The following ITPR2 variants were observed in gnomAD, a reference collection of about 807,000 sequenced individuals.
The protein encoded by ITPR2 is inositol 1,4,5-trisphosphate-gated calcium channel ITPR2.
ITPR2 carries 207 observed loss-of-function variants against 317.1 expected under a neutral mutation model. That is an observed-to-expected ratio of 0.65 (90% CI 0.58 to 0.73). ITPR2 has a LOEUF of 0.73. Among genes scored for constraint, ITPR2 ranks in the 30% least tolerant of loss-of-function variants. The pLI, the probability that ITPR2 is intolerant of heterozygous loss-of-function variation, is 0.00. For missense variants in ITPR2, 2,613 were observed against 3,284.0 expected (o/e 0.80, Z 4.99); for synonymous variants, 1,156 against 1,149.1 (o/e 1.01, Z -0.12).
chr12:26,619,403 C>T (rs10506007), intron 26 of ITPR2, among the ~76,000 whole-genome samples: 54,627 of 151,998 alleles, frequency 0.36, 10,958 homozygotes, highest in African/African-American at 0.55. Context: ...CTATCGTTCT[C>T]CCAGGTAATT....
intron 48 of ITPR2, among the ~76,000 whole-genome samples, 153 bp downstream of exon 48, chr12:26,436,067 AC>A (rs1241512439): frequency 6.6e-6 from 1 of 152,222 alleles, no homozygotes; most frequent in Non-Finnish European, 1.5e-5. Context: ...TGTTGACCAC[AC>A]TTTTCTGCCT....
intron 26 of ITPR2, 47 bp from the exon 27 acceptor site, chr12:26,602,753 GT>G (rs1946031083): frequency 2.1e-6 from 2 of 961,080 alleles, no homozygotes; most frequent in African/African-American, 3.3e-5. Flanking sequence ...GTAGCTTTGT[GT>G]TACATTTATT....
intron 2 of ITPR2, among the ~76,000 whole-genome samples, chr12:26,760,894 A>G (rs988522693): frequency 1.3e-5 from 2 of 152,230 alleles, no homozygotes; most frequent in African/African-American, 4.8e-5. Flanking sequence ...TTTATAATCT[A>G]CATTCATAAT....
intron 9 of ITPR2, among the ~76,000 whole-genome samples, chr12:26,703,956 A>G (rs1009043995): frequency 5.3e-5 from 8 of 152,248 alleles, no homozygotes; most frequent in Non-Finnish European, 1.2e-4. Flanking sequence ...GTGAACTGTG[A>G]TAAGCCCAAA....
At chr12:26,669,142 A>C (rs1342040989) in intron 13 of ITPR2, among the ~76,000 whole-genome samples, 5 of 151,610 alleles carry the variant, frequency 3.3e-5, no homozygotes, top group African/African-American at 1.2e-4. Flanking sequence ...TATTATTATT[A>C]TAATTATTTA....
chr12:26,698,417 G>A (rs1948388837), intron 9 of ITPR2, among the ~76,000 whole-genome samples: 1 of 152,114 alleles, frequency 6.6e-6, no homozygotes, highest in African/African-American at 2.4e-5. Context: ...CGACAACCAA[G>A]AATGAATCTC....
At chr12:26,602,142 C>T (rs1404372597) in intron 28 of ITPR2, among the ~76,000 whole-genome samples, 7 of 151,642 alleles carry the variant, frequency 4.6e-5, no homozygotes, top group Admixed American at 3.9e-4. Flanking sequence ...GACTAGGTGG[C>T]AGTAAAGTGC....
chr12:26,616,358 C>T (rs1415618982), intron 26 of ITPR2, among the ~76,000 whole-genome samples: 10 of 151,828 alleles, frequency 6.6e-5, no homozygotes, highest in African/African-American at 2.2e-4. Flanking sequence ...AGGATGGTCT[C>T]GATCTCCTGA....
At chr12:26,429,971 T>C (rs1014149322) in intron 48 of ITPR2, among the ~76,000 whole-genome samples, 2 of 152,242 alleles carry the variant, frequency 1.3e-5, no homozygotes, top group Admixed American at 1.3e-4. Context: ...CTCTTCACTA[T>C]TCTTTCCAAG....
chr12:26,717,158 A>G (rs1948754036), intron 5 of ITPR2, among the ~76,000 whole-genome samples: 1 of 152,220 alleles, frequency 6.6e-6, no homozygotes, highest in Non-Finnish European at 1.5e-5. Context: ...AATGAAAACC[A>G]AAACCCTCCC....
intron 2 of ITPR2, among the ~76,000 whole-genome samples, chr12:26,742,815 GA>G (rs796564571): frequency 9.8e-4 from 132 of 134,456 alleles, no homozygotes; most frequent in South Asian, 3.8e-3. Context: ...TCTGTCTTGG[GA>G]AAAAAAAAAA....
chr12:26,595,379 T>C, intron 32 of ITPR2, 86 bp downstream of exon 32: 1 of 1,316,842 alleles, frequency 7.6e-7, no homozygotes, highest in Non-Finnish European at 1.1e-6. Flanking sequence ...AGGTAGTGAA[T>C]TTAACTGCAA....
intron 2 of ITPR2, among the ~76,000 whole-genome samples, chr12:26,779,257 T>C (rs1950034636): frequency 6.6e-6 from 1 of 152,198 alleles, no homozygotes; most frequent in African/African-American, 2.4e-5. Flanking sequence ...TGCAGATAAC[T>C]ACTCTCCTTT....
At position 26,769,712 on chromosome 12, in the gene ITPR2, C is replaced by T. The variant is rs141126304; in HGVS notation, c.163+20445G>A. On this transcript the variant is annotated intron_variant, in intron 2 of 56. Transcript: ENST00000381340. Reference sequence around the variant, plus strand: ...ATAATACCCTCCTTCTCAGTGGAGACACTTTATACTAGAGAATAGGTAAAA... The same window carrying T: ...ATAATACCCTCCTTCTCAGTGGAGATACTTTATACTAGAGAATAGGTAAAA... Among the ~76,000 whole-genome samples the T allele has an allele frequency of 5.1e-3, 771 of 152,202 alleles. 5 individuals carry two copies. Among genetic ancestry groups the T allele is most frequent in the Non-Finnish European group, 5.4e-3 (366 of 68,026 alleles).
intron 21 of ITPR2, among the ~76,000 whole-genome samples, chr12:26,637,344 T>C (rs1307896508): frequency 6.6e-6 from 1 of 152,192 alleles, no homozygotes; most frequent in Admixed American, 6.5e-5. Flanking sequence ...GGTAGTAGTA[T>C]AGCATGGACA....
intron 39 of ITPR2, among the ~76,000 whole-genome samples, chr12:26,492,460 A>AG (rs376722441): frequency 0.025 from 601 of 23,598 alleles, 10 homozygotes; most frequent in Admixed American, 0.11. Context: ...GCCCCCCACC[A>AG]AAAAAAAAAA....
chr12:26,618,000 AAAT>A (rs1946409168), intron 26 of ITPR2, among the ~76,000 whole-genome samples: 1 of 152,224 alleles, frequency 6.6e-6, no homozygotes. Flanking sequence ...ATTAAATAAA[AAAT>A]AATATAATCT....
At chr12:26,693,852 C>T (rs953738273) in intron 10 of ITPR2, among the ~76,000 whole-genome samples, 1 of 152,170 alleles carries the variant, frequency 6.6e-6, no homozygotes, top group Non-Finnish European at 1.5e-5. Flanking sequence ...AAACAACTTA[C>T]AAATTCAAAG....
intron 1 of ITPR2, among the ~76,000 whole-genome samples, chr12:26,823,190 T>C (rs1950964141): frequency 6.6e-6 from 1 of 152,178 alleles, no homozygotes; most frequent in Admixed American, 6.5e-5. Flanking sequence ...TTGCCTGACA[T>C]TGCAGTTACT....
Sources: allele counts gnomAD v4.1 joint callset (sites outside exome capture counted in the v4.1 genomes callset), GRCh38; gene constraint gnomAD v4.1.1; transcripts MANE v1.5; gene names NCBI Gene and HGNC (gene_info 2026-07-23, HGNC 2026-07-21).